Variants in MAPK8IP1 observed in about 807,000 individuals in gnomAD.
MAPK8IP1 encodes mitogen-activated protein kinase 8 interacting protein 1.
Under a neutral mutation model 72.6 loss-of-function variants are expected in MAPK8IP1, and 17 were observed. The observed-to-expected ratio is 0.23, with a 90% CI of 0.16 to 0.35. The LOEUF (loss-of-function observed/expected upper bound fraction) is 0.35. Among genes scored for constraint, MAPK8IP1 ranks in the 10% least tolerant of loss-of-function variants. The pLI, the probability that MAPK8IP1 is intolerant of heterozygous loss-of-function variation, is 1.00. For synonymous variants in MAPK8IP1, 401 were observed against 443.4 expected, an observed-to-expected ratio of 0.90 and a Z score of 1.20; for missense variants, 789 against 1,009.7, an observed-to-expected ratio of 0.78 and a Z score of 2.96.
chr11:45,894,781 G>A (rs1003959030), intron 1 of MAPK8IP1, among the ~76,000 whole-genome samples: 8 of 152,140 alleles, frequency 5.3e-5, no homozygotes, highest in African/African-American at 1.9e-4. Flanking sequence ...TCACCTGCTG[G>A]GTACAGTATA....
chr11:45,901,897 G>A, intron 3 of MAPK8IP1, 83 bp from the exon 4 acceptor site: 1 of 1,016,488 alleles, frequency 9.8e-7, no homozygotes, highest in East Asian at 2.4e-5. Context: ...CCTAGGGATG[G>A]CCTGAGGGGG....
chr11:45,899,637 C>T (rs2086634024), intron 2 of MAPK8IP1, among the ~76,000 whole-genome samples: 2 of 152,184 alleles, frequency 1.3e-5, no homozygotes, highest in Admixed American at 1.3e-4. Flanking sequence ...GGCCCCCGCT[C>T]GCCCCTCCCC....
chr11:45,888,571 A>G (rs1026150928), intron 1 of MAPK8IP1, among the ~76,000 whole-genome samples: 16 of 152,112 alleles, frequency 1.1e-4, no homozygotes, highest in African/African-American at 3.6e-4. Flanking sequence ...GGGTGGGAGC[A>G]TTCGTTTGTT....
chr11:45,903,448 C>T lies in MAPK8IP1; in HGVS notation c.1493+8C>T, dbSNP rs565909508. On this transcript the variant is annotated splice_region_variant and intron_variant, in intron 6 of 11. Transcript: ENST00000241014. This position sits in a 1 kb window ranked among gnomAD's most constrained non-coding sequence, Gnocchi z 6.4. Reference sequence around the variant, plus strand: ...CCACCGGGCCATATTCAGGTGAGAGCCATGGGCTGGCTGGGCCTAGCCAGG... The same window carrying T: ...CCACCGGGCCATATTCAGGTGAGAGTCATGGGCTGGCTGGGCCTAGCCAGG... 3.1e-4 allele frequency: 503 copies of T among 1,609,796 alleles called. 7 individuals are homozygous for T. In the South Asian group the frequency reaches 5.1e-3, roughly 16 times the overall value.
At chr11:45,886,585 G>A (rs1483286991) in intron 1 of MAPK8IP1, among the ~76,000 whole-genome samples, 3 of 152,158 alleles carry the variant, frequency 2.0e-5, no homozygotes, top group Non-Finnish European at 4.4e-5. Flanking sequence ...GGTGTCGAGG[G>A]GATCCCTGCT....
Position 45,904,011 on chromosome 11 carries a change from G to A in MAPK8IP1, c.1516G>A (p.Glu506Lys). The A allele has an allele frequency of 6.2e-7, 1 of 1,613,682 alleles. No individual in the cohort carries two copies. Among genetic ancestry groups the A allele is most frequent in the Non-Finnish European group, 8.5e-7 (1 of 1,179,980 alleles). Residue 506 changes from glutamate to lysine, a missense_variant, in exon 7 of 12, where the codon GAA becomes AAA. Glu to Lys is a moderately conservative substitution (Grantham distance 56). Around this residue, in one of 4 missense-constraint regions of MAPK8IP1, gnomAD observed 188 missense variants for 293.3 expected, o/e 0.64. Coordinates refer to ENST00000241014, the MANE Select transcript of MAPK8IP1 (RefSeq NM_005456.4). This position sits in a 1 kb window ranked among gnomAD's most constrained non-coding sequence, Gnocchi z 6.4. ...CAGGTTTGTGCCTCGACACGAAGAC[G>A]AACTTGAGCTGGAAGTGGATGACCC... ...IFRFVPRHED[E>K]LELEVDDPLL...
At chr11:45,889,214 T>C (rs911903571) in intron 1 of MAPK8IP1, among the ~76,000 whole-genome samples, 19 of 152,208 alleles carry the variant, frequency 1.2e-4, no homozygotes, top group African/African-American at 4.6e-4. Flanking sequence ...ATTTAAATAA[T>C]TGTGTGCATG....
intron 1 of MAPK8IP1, chr11:45,896,633 C>T: frequency 8.0e-6 from 11 of 1,367,408 alleles, no homozygotes; most frequent in Non-Finnish European, 9.4e-6. Context: ...AAGGTGCCTG[C>T]AGCTGAGGGC....
intron 1 of MAPK8IP1, among the ~76,000 whole-genome samples, chr11:45,891,771 G>A (rs1264108089): frequency 2.0e-5 from 3 of 152,200 alleles, no homozygotes; most frequent in African/African-American, 7.2e-5. Context: ...TTAATACACA[G>A]ACTTTATAAT....
intron 2 of MAPK8IP1, among the ~76,000 whole-genome samples, chr11:45,898,900 G>T (rs536938238): frequency 9.8e-5 from 15 of 152,308 alleles, no homozygotes; most frequent in African/African-American, 2.9e-4. Context: ...AGAAGGGGCC[G>T]GCTTGCCAGG....
chr11:45,903,551 T>C lies in MAPK8IP1; in HGVS notation c.1493+111T>C. 1.1e-6 allele frequency: 1 copy of C among 906,104 alleles called. No individual in the cohort carries two copies. The allele number at this position is 906,104 out of a possible 1,614,324, so 56.1% of individuals were successfully genotyped here. ...GCCTAACCCCTGCCATCAGCCTTCATTTATCCACTCAGCCCTGGGAGGACA... is the reference window on the plus strand; with the variant it reads ...GCCTAACCCCTGCCATCAGCCTTCACTTATCCACTCAGCCCTGGGAGGACA... On this transcript the variant is annotated intron_variant, in intron 6 of 11. Transcript: ENST00000241014. The surrounding 1 kb of genome is among the most constrained non-coding windows in gnomAD (Gnocchi z 6.4).
chr11:45,887,621 A>C (rs1227760469), intron 1 of MAPK8IP1, among the ~76,000 whole-genome samples: 3 of 152,168 alleles, frequency 2.0e-5, no homozygotes, highest in Admixed American at 6.5e-5. Context: ...TTCTTCCTCG[A>C]CCTGCTTCCC....
At chr11:45,892,921 A>G (rs538463654) in intron 1 of MAPK8IP1, among the ~76,000 whole-genome samples, 11 of 152,350 alleles carry the variant, frequency 7.2e-5, no homozygotes, top group African/African-American at 2.4e-4. Flanking sequence ...CGGCCAGTCA[A>G]CAGGTGTCCT....
Position 45,900,718 on chromosome 11 carries a change from A to G in MAPK8IP1, c.522+266A>G, listed in dbSNP as rs1312221913. 6.6e-6 allele frequency among the ~76,000 whole-genome samples: 1 copy of G among 152,146 alleles called. No individual in the cohort carries two copies. The highest frequency in any genetic ancestry group is 6.5e-5 in the Admixed American group (1 of 15,284). The stretch of plus-strand genomic sequence containing the variant: ...GAAGGACTGGGGTTAGGAGAGGAGT[A>G]GGGAATTAAGAGAATGAGGCTTTGA... On this transcript the variant is annotated intron_variant, in intron 3 of 11. Coordinates refer to ENST00000241014, the MANE Select transcript of MAPK8IP1 (RefSeq NM_005456.4). The surrounding 1 kb of genome is among the most constrained non-coding windows in gnomAD (Gnocchi z 6.5).
chr11:45,903,068 C>T lies in MAPK8IP1; in HGVS notation c.1301C>T (p.Ala434Val). Reference protein sequence around the residue: ...ESAIGEEYEEAPRPQPPACLS... With the variant: ...ESAIGEEYEEVPRPQPPACLS... ...GCCATCGGAGAGGAATATGAGGAGGCCCCGCGGCCCCAGCCCCCTGCCTGC... is the reference window on the plus strand; with the variant it reads ...GCCATCGGAGAGGAATATGAGGAGGTCCCGCGGCCCCAGCCCCCTGCCTGC... The change falls in exon 5 of 12, where the codon GCC becomes GTC. Residue 434 changes from alanine (A) to valine (V), a missense_variant. Transcript: ENST00000241014. This position sits in a 1 kb window ranked among gnomAD's most constrained non-coding sequence, Gnocchi z 6.4. 6.2e-7 allele frequency: 1 copy of T among 1,611,520 alleles called. No homozygotes were observed. The highest frequency in any genetic ancestry group is 1.3e-5 in the African/African-American group (1 of 75,004).
In MAPK8IP1 at chr11:45,902,426, A is replaced by G. The variant is rs768456458; in HGVS notation, c.659A>G (p.Gln220Arg). 1.3e-6 allele frequency: 2 copies of G among 1,586,016 alleles called. No homozygotes were observed. Among genetic ancestry groups the G allele is most frequent in the South Asian group, 1.1e-5 (1 of 87,764 alleles). Residue 220 changes from glutamine (Q) to arginine (R), a missense_variant, in exon 5 of 12, where the codon CAG (glutamine) becomes CGG (arginine). Transcript: ENST00000241014. The surrounding 1 kb of genome is among the most constrained non-coding windows in gnomAD (Gnocchi z 9.3). ...TGCCTGAGCGATGAGCTGCCCCCCC[A>G]GAGCGGCCCCGCCCCCACCACAGAT... The part of the protein sequence containing the change: ...HICLSDELPP[Q>R]SGPAPTTDRG...
At position 45,886,938 on chromosome 11, in the gene MAPK8IP1, G is replaced by A. The variant is rs375016958; in HGVS notation, c.101+1017G>A. Among the ~76,000 whole-genome samples, 2 of 152,106 alleles carry A rather than the reference G, an allele frequency of 1.3e-5. 1 individual carries two copies. Among genetic ancestry groups the A allele is most frequent in the South Asian group, 4.1e-4 (2 of 4,822 alleles). On this transcript the variant is annotated intron_variant, in intron 1 of 11. Transcript: ENST00000241014. ...GGGTCACTGGCTCCCAGGTCCTCAG[G>A]TGGGCAGAGACCCCTGGGGATCTCT...
chr11:45,889,519 G>C (rs1218381250), intron 1 of MAPK8IP1, among the ~76,000 whole-genome samples: 2 of 152,166 alleles, frequency 1.3e-5, no homozygotes, highest in Non-Finnish European at 1.5e-5. Flanking sequence ...GCACTGGGTA[G>C]GTGGGACAAA....
Position 45,885,850 on chromosome 11 carries a change from AG to A in MAPK8IP1, c.37del (p.Ala13ProfsTer84), listed in dbSNP as rs1565068597. The A allele has an allele frequency of 1.0e-5, 15 of 1,446,704 alleles. No individual in the cohort carries two copies. The highest frequency in any genetic ancestry group is 6.0e-5 in the East Asian group (2 of 33,064). The allele number at this position is 1,446,704 out of a possible 1,614,324, so 89.6% of individuals were successfully genotyped here. On this transcript the variant is annotated frameshift_variant, in exon 1 of 12. Coordinates refer to ENST00000241014, the MANE Select transcript of MAPK8IP1 (RefSeq NM_005456.4). LOFTEE classifies it high-confidence loss of function. MAERESGGLG[G>X]GAASPPAASP... Reference sequence around the variant, plus strand: ...CGGAGCGAGAAAGCGGCGGCCTGGGAGGGGGGGCCGCGTCCCCGCCCGCCGC... The same window carrying A: ...CGGAGCGAGAAAGCGGCGGCCTGGGAGGGGGGCCGCGTCCCCGCCCGCCGC...
Sources: allele counts gnomAD v4.1 joint callset (sites outside exome capture counted in the v4.1 genomes callset), GRCh38; gene constraint gnomAD v4.1.1; regional missense constraint gnomAD v4.1.1; non-coding constraint Gnocchi (gnomAD v3.1); transcripts MANE v1.5; gene names NCBI Gene and HGNC (gene_info 2026-07-23, HGNC 2026-07-21).